COL4A3: variants seen among roughly 807,000 people sequenced by gnomAD.
The protein encoded by COL4A3 is collagen alpha-3(IV) chain.
In COL4A3, 135 loss-of-function variants were observed where a neutral mutation model predicts 217.4. The observed-to-expected ratio is 0.62, with a 90% CI of 0.54 to 0.72. The LOEUF (loss-of-function observed/expected upper bound fraction) is 0.72. Ranked by LOEUF, COL4A3 falls within the 30% of genes least tolerant of loss-of-function variation. COL4A3 has a pLI of 0.00. For synonymous variants in COL4A3, 690 were observed against 736.3 expected (o/e 0.94, Z 1.02); for missense variants, 1,868 against 2,119.9 (o/e 0.88, Z 2.33).
At chr2:227,237,758 T>C in intron 1 of COL4A3, 1 of 482,924 alleles carries the variant, frequency 2.1e-6, no homozygotes, top group Non-Finnish European at 3.9e-6. Context: ...ATCCGACATT[T>C]CTCCCTTATG....
At chr2:227,293,925 A>C in intron 38 of COL4A3, 2 of 366,948 alleles carry the variant, frequency 5.5e-6, no homozygotes, top group Non-Finnish European at 5.5e-6. Context: ...TTTTAATTTA[A>C]TTACCTGTTT....
At position 227,253,034 on chromosome 2, in the gene COL4A3, G is replaced by A. The variant is rs111574033; in HGVS notation, c.646-262G>A. 0.013 allele frequency among the ~76,000 whole-genome samples: 1,994 copies of A among 152,214 alleles called. 42 individuals carry two copies. The highest frequency in any genetic ancestry group is 0.045 in the African/African-American group (1,882 of 41,510). ...GAGCCAGAAAAATATGCTCTGAGCT[G>A]GGCTCCTTTCCCTCCCCCACACCAC... On this transcript the variant is annotated intron_variant, in intron 11 of 51. Transcript: ENST00000396578. The surrounding 1 kb of genome is among the most constrained non-coding windows in gnomAD (Gnocchi z 4.4).
intron 1 of COL4A3, among the ~76,000 whole-genome samples, chr2:227,210,460 C>CT (rs2067271599): frequency 7.1e-6 from 1 of 139,948 alleles, no homozygotes; most frequent in African/African-American, 2.7e-5. Flanking sequence ...TGTGGTGGCA[C>CT]GCACCTGTAG....
intron 47 of COL4A3, 23 bp from the exon 48 acceptor site, chr2:227,307,687 C>T: frequency 6.2e-7 from 1 of 1,604,796 alleles, no homozygotes; most frequent in South Asian, 1.1e-5. Context: ...TATGTTGCAA[C>T]ATTTAGAATG....
intron 28 of COL4A3, chr2:227,279,560 A>C (rs2106144616): frequency 1.9e-6 from 1 of 521,428 alleles, no homozygotes; most frequent in East Asian, 3.3e-5. Context: ...AGAATTGCTG[A>C]ATCAAAATCA....
chr2:227,176,945 TTA>T (rs1213571700), intron 1 of COL4A3, among the ~76,000 whole-genome samples: 1 of 152,164 alleles, frequency 6.6e-6, no homozygotes, highest in African/African-American at 2.4e-5. Context: ...TAAAAAAAAG[TTA>T]TATGTGCTGT....
intron 1 of COL4A3, among the ~76,000 whole-genome samples, chr2:227,228,096 C>T (rs73996240): frequency 0.049 from 7,456 of 152,282 alleles, 269 homozygotes; most frequent in East Asian, 0.19. Flanking sequence ...AAATCAAAAA[C>T]GGGTGGCTGG....
chr2:227,193,780 GGAAGGAAGGAAGGAAGGAA>G (rs2066343019), intron 1 of COL4A3, among the ~76,000 whole-genome samples: 1 of 34,076 alleles, frequency 2.9e-5, no homozygotes, highest in African/African-American at 7.9e-5. Flanking sequence ...AAGGAAGGAA[GGAAGGAAGGAAGGAAGGAA>G]GGGGAGGGAG....
chr2:227,218,715 A>G (rs1244929791), intron 1 of COL4A3, among the ~76,000 whole-genome samples: 1 of 152,220 alleles, frequency 6.6e-6, no homozygotes, highest in Non-Finnish European at 1.5e-5. Context: ...AGTAAAGCAC[A>G]TATTAGGAAA....
chr2:227,294,884 C>T (rs1288408607), intron 39 of COL4A3, 80 bp from the exon 40 acceptor site: 2 of 1,086,764 alleles, frequency 1.8e-6, no homozygotes, highest in Admixed American at 3.5e-5. Flanking sequence ...CTGGTATTCC[C>T]ATTAGGCCAC....
At chr2:227,248,657 C>T (rs2069508059) in intron 9 of COL4A3, 137 bp downstream of exon 9, 1 of 629,950 alleles carries the variant, frequency 1.6e-6, no homozygotes, top group African/African-American at 1.9e-5. Flanking sequence ...ATAGAAATTC[C>T]TATTTATTCT....
At chr2:227,200,089 T>C (rs914091003) in intron 1 of COL4A3, among the ~76,000 whole-genome samples, 1 of 152,150 alleles carries the variant, frequency 6.6e-6, no homozygotes, top group Non-Finnish European at 1.5e-5. Context: ...CTGAAGCTTT[T>C]CCCAGGTGCA....
intron 1 of COL4A3, chr2:227,221,478 A>C (rs1410459200): frequency 6.6e-6 from 1 of 151,714 alleles, no homozygotes; most frequent in African/African-American, 2.4e-5. Context: ...TGCTTGATCA[A>C]ATCCATCTGG....
intron 50 of COL4A3, among the ~76,000 whole-genome samples, chr2:227,309,548 G>A (rs932297149): frequency 6.6e-6 from 1 of 151,972 alleles, no homozygotes; most frequent in Non-Finnish European, 1.5e-5. Context: ...ATTCTATTAT[G>A]AAATTTAGGT....
At chr2:227,208,022 C>G (rs56706859) in intron 1 of COL4A3, among the ~76,000 whole-genome samples, 1 of 151,806 alleles carries the variant, frequency 6.6e-6, no homozygotes, top group Non-Finnish European at 1.5e-5. Flanking sequence ...CCCCCCGCCC[C>G]CCCACACACA....
At chr2:227,307,518 A>G (rs922623572) in intron 47 of COL4A3, among the ~76,000 whole-genome samples, 192 bp from the exon 48 acceptor site, 2 of 152,230 alleles carry the variant, frequency 1.3e-5, no homozygotes, top group Admixed American at 1.3e-4. Context: ...AACATTGATA[A>G]GAAGAGGCAC....
In COL4A3 at chr2:227,253,936, G is replaced by A. The variant is rs1312287230; in HGVS notation, c.766-176G>A. 1.3e-5 allele frequency among the ~76,000 whole-genome samples: 2 copies of A among 152,120 alleles called. No individual in the cohort carries two copies. Among genetic ancestry groups the A allele is most frequent in the East Asian group, 1.9e-4 (1 of 5,198 alleles). ...GCTTGCAGGTAGTTTCAGTGAGTTC[G>A]CAGGTATAAAATTTGAAATGTGAGA... On this transcript the variant is annotated intron_variant, in intron 13 of 51. Transcript: ENST00000396578. This position sits in a 1 kb window ranked among gnomAD's most constrained non-coding sequence, Gnocchi z 4.4.
At chr2:227,240,922 T>A (rs997543238) in intron 3 of COL4A3, among the ~76,000 whole-genome samples, 5 of 152,350 alleles carry the variant, frequency 3.3e-5, no homozygotes, top group African/African-American at 1.2e-4. Context: ...TACTTTTGTG[T>A]CTTAATCTGA....
In COL4A3 at chr2:227,261,094, C is replaced by T. The variant is rs760049264; in HGVS notation, c.1127C>T (p.Pro376Leu). The T allele has an allele frequency of 1.6e-5, 25 of 1,611,980 alleles. No homozygotes were observed. The highest frequency in any genetic ancestry group is 6.7e-5 in the African/African-American group (5 of 74,986). The part of the protein sequence containing the change: ...GARGPQGPSG[P>L]PGVPGSPGSS... ...TATATATTCCCAGGTCCCAGTGGTC[C>T]CCCCGGAGTTCCTGGAAGTCCTGGT... The change falls in exon 20 of 52, where the codon CCC becomes CTC. Residue 376 changes from proline (P) to leucine (L), a missense_variant. This residue lies in a region of COL4A3 where 1,503 missense variants were observed against 1,786.1 expected (regional missense o/e 0.84). Coordinates refer to ENST00000396578, the MANE Select transcript of COL4A3 (RefSeq NM_000091.5).
Sources: gnomAD v4.1 joint callset for allele counts (sites outside exome capture counted in the v4.1 genomes callset) on GRCh38, gnomAD v4.1.1 for gene constraint, gnomAD v4.1.1 regional missense constraint, Gnocchi (gnomAD v3.1) non-coding constraint, MANE v1.5 for transcripts, NCBI Gene and HGNC (gene_info 2026-07-23, HGNC 2026-07-21) for gene names.